The following LRPPRC variants were observed in gnomAD, a reference collection of about 807,000 sequenced individuals.
LRPPRC encodes the protein leucine rich pentatricopeptide repeat containing, also known as leucine-rich PPR motif-containing protein, mitochondrial.
A neutral mutation model predicts 180.3 loss-of-function variants in LRPPRC; 120 were observed. That is an observed-to-expected ratio of 0.67 (90% confidence interval 0.57 to 0.77). The LOEUF (loss-of-function observed/expected upper bound fraction) is 0.77, where lower values mean the gene tolerates loss of function less well. Ranked by LOEUF, LRPPRC falls within the 30% of genes least tolerant of loss-of-function variation. The pLI is 0.00. For missense variants in LRPPRC, 2,012 were observed against 1,657.2 expected (o/e 1.21, Z -3.72); for synonymous variants, 723 against 600.0 (o/e 1.21, Z -3.00).
chr2:43,887,992 G>GGAAA lies in LRPPRC; in HGVS notation c.*604_*607dup, dbSNP rs1448777391. 1.3e-5 allele frequency: 2 copies of GGAAA among 153,494 alleles called. No individual in the cohort carries two copies. The highest frequency in any genetic ancestry group is 2.4e-5 in the African/African-American group (1 of 41,434). The allele number at this position is 153,494 out of a possible 1,614,324, so 9.5% of individuals were successfully genotyped here. A position where few individuals can be genotyped will look rare whatever the true frequency, so the allele number is the denominator to read the frequency against. On this transcript the variant is annotated 3_prime_UTR_variant, in exon 38 of 38. Transcript: ENST00000260665. The stretch of plus-strand genomic sequence containing the variant: ...GTGCTTGAAGCCACAGTGGCAGAAG[G>GGAAA]GAAAGATGGGGAAGTGTGCCGAAGA...
intron 22 of LRPPRC, 114 bp from the exon 23 acceptor site, chr2:43,944,008 AT>A: frequency 1.4e-6 from 1 of 738,026 alleles, no homozygotes. Context: ...TATAATGCCG[AT>A]TTCAAGTTAA....
At chr2:43,934,322 A>G in intron 24 of LRPPRC, 26 bp from the exon 25 acceptor site, 1 of 1,097,832 alleles carries the variant, frequency 9.1e-7, no homozygotes, top group South Asian at 1.4e-5. Flanking sequence ...AAAAATATAT[A>G]TATTAGGAGA....
At chr2:43,957,811 C>T (rs535877291) in intron 13 of LRPPRC, among the ~76,000 whole-genome samples, 45 of 151,986 alleles carry the variant, frequency 3.0e-4, no homozygotes, top group Non-Finnish European at 6.0e-4. Flanking sequence ...GACTGTAATA[C>T]CCTACAAGAC....
chr2:43,917,702 T>C lies in LRPPRC; in HGVS notation c.3148+323A>G, dbSNP rs980086650. Among the ~76,000 whole-genome samples, 6 of 152,046 alleles carry C rather than the reference T, an allele frequency of 3.9e-5. No homozygotes were observed. The East Asian group carries it at 1.2e-3, about 30-fold the overall frequency. ...TACTCAGGAGTCTGAGGCAGGAAAATGGCGTGAACCCAGAAGGCGGAGCTT... is the reference window on the plus strand; with the variant it reads ...TACTCAGGAGTCTGAGGCAGGAAAACGGCGTGAACCCAGAAGGCGGAGCTT... On this transcript the variant is annotated intron_variant, in intron 29 of 37. Transcript: ENST00000260665.
At chr2:43,901,169 T>C (rs1310091529) in intron 32 of LRPPRC, 151 bp downstream of exon 32, 3 of 654,804 alleles carry the variant, frequency 4.6e-6, no homozygotes, top group Non-Finnish European at 8.2e-6. Context: ...TTTTTCAACA[T>C]ATAATTATTC....
At chr2:43,920,049 A>G (rs1671640411) in intron 27 of LRPPRC, among the ~76,000 whole-genome samples, 1 of 150,458 alleles carries the variant, frequency 6.6e-6, no homozygotes, top group African/African-American at 2.5e-5. Flanking sequence ...AAAACAAAGC[A>G]TACTCATTCT....
intron 31 of LRPPRC, among the ~76,000 whole-genome samples, chr2:43,905,418 TG>T (rs2105000727): frequency 6.6e-6 from 1 of 152,346 alleles, no homozygotes; most frequent in East Asian, 1.9e-4. Flanking sequence ...ACACAAATTT[TG>T]CATGTCTGAA....
At chr2:43,941,162 T>G (rs952086608) in intron 23 of LRPPRC, among the ~76,000 whole-genome samples, 2 of 152,238 alleles carry the variant, frequency 1.3e-5, no homozygotes, top group Non-Finnish European at 2.9e-5. Context: ...AAAGCTTTTT[T>G]ACATTGTCTA....
chr2:43,905,771 G>A lies in LRPPRC; in HGVS notation c.3285C>T (p.Thr1095=). 6.2e-7 allele frequency: 1 copy of A among 1,608,492 alleles called. No homozygotes were observed. The highest frequency in any genetic ancestry group is 2.2e-5 in the East Asian group (1 of 44,854). ...CGTTCAGTGTGAAGCCCTTGATGTGGGTCTCCGCGCTAAAAGAAGCAGACA... is the reference window on the plus strand; with the variant it reads ...CGTTCAGTGTGAAGCCCTTGATGTGAGTCTCCGCGCTAAAAGAAGCAGACA... ...QAMEVKAFAE[T]HIKGFTLNDA... Residue 1095 remains threonine (T), a synonymous_variant, in exon 31 of 38, where the codon ACC becomes ACT. Coordinates refer to ENST00000260665, the MANE Select transcript of LRPPRC (RefSeq NM_133259.4).
chr2:43,982,495 C>G (rs902059677), intron 1 of LRPPRC, 61 bp from the exon 2 acceptor site: 4 of 1,312,506 alleles, frequency 3.0e-6, no homozygotes, highest in South Asian at 1.2e-5. Flanking sequence ...ATTTTTTGAA[C>G]AAAACTTAAA....
At chr2:43,933,116 G>C (rs1558963906) in intron 25 of LRPPRC, among the ~76,000 whole-genome samples, 1 of 152,162 alleles carries the variant, frequency 6.6e-6, no homozygotes, top group Non-Finnish European at 1.5e-5. Flanking sequence ...AGAAGCACCT[G>C]TCCAAGATAG....
At chr2:43,928,563 G>C (rs1671971552) in intron 25 of LRPPRC, among the ~76,000 whole-genome samples, 1 of 152,048 alleles carries the variant, frequency 6.6e-6, no homozygotes, top group Admixed American at 6.6e-5. Context: ...GAAAAATCAT[G>C]TGCACAAGGG....
At chr2:43,985,740 C>T (rs562544806) in intron 1 of LRPPRC, among the ~76,000 whole-genome samples, 17 of 152,230 alleles carry the variant, frequency 1.1e-4, no homozygotes, top group Non-Finnish European at 1.5e-4. Flanking sequence ...TACTGAAGGA[C>T]ATCCAGGTTG....
intron 14 of LRPPRC, among the ~76,000 whole-genome samples, chr2:43,952,701 T>A (rs1025804816): frequency 2.0e-5 from 3 of 152,216 alleles, no homozygotes; most frequent in Non-Finnish European, 4.4e-5. Flanking sequence ...CAATCCTGCA[T>A]GTACGTATTT....
At chr2:43,969,881 C>T (rs1378303749) in intron 11 of LRPPRC, among the ~76,000 whole-genome samples, 1 of 152,034 alleles carries the variant, frequency 6.6e-6, no homozygotes, top group Non-Finnish European at 1.5e-5. Context: ...TTGCCAACTT[C>T]CCAAGGCTAG....
At position 43,889,851 on chromosome 2, in the gene LRPPRC, A is replaced by C; in HGVS notation, c.4011T>G (p.Ala1337=). 1 of 1,609,370 alleles carries C rather than the reference A, an allele frequency of 6.2e-7. No individual in the cohort carries two copies. Among genetic ancestry groups the C allele is most frequent in the Non-Finnish European group, 8.5e-7 (1 of 1,175,590 alleles). Reference sequence around the variant, plus strand: ...CAGTCAAATGTTCATACAGTGCTTTAGCAGATGTGACATCTTTCTCTGAGA... The same window carrying C: ...CAGTCAAATGTTCATACAGTGCTTTCGCAGATGTGACATCTTTCTCTGAGA... The part of the protein sequence containing the change: ...SYVSEKDVTS[A]KALYEHLTAK... The change falls in exon 37 of 38, where the codon GCT becomes GCG. Residue 1337 remains alanine (A), a synonymous_variant. Coordinates refer to ENST00000260665, the MANE Select transcript of LRPPRC (RefSeq NM_133259.4).
intron 13 of LRPPRC, chr2:43,959,321 T>G (rs1023536399): frequency 3.5e-5 from 23 of 658,506 alleles, no homozygotes; most frequent in Non-Finnish European, 5.0e-5. Context: ...GTCACCATTT[T>G]TCATACTGGA....
In LRPPRC at chr2:43,939,142, G is replaced by A. The variant is rs898237592; in HGVS notation, c.2505-4264C>T. On this transcript the variant is annotated intron_variant, in intron 23 of 37. Coordinates refer to ENST00000260665, the MANE Select transcript of LRPPRC (RefSeq NM_133259.4). ...AAAAAAAAAAAAAAAAATAGCTGGC[G>A]TGGCGGTGAGCACCTGTAGTCCCAG... Among the ~76,000 whole-genome samples the A allele has an allele frequency of 2.4e-4, 37 of 151,544 alleles. No individual in the cohort carries two copies. In the East Asian group the frequency reaches 7.0e-3, roughly 29 times the overall value.
At chr2:43,916,508 C>T (rs1671472695) in intron 29 of LRPPRC, among the ~76,000 whole-genome samples, 1 of 152,112 alleles carries the variant, frequency 6.6e-6, no homozygotes, top group Non-Finnish European at 1.5e-5. Flanking sequence ...TCAACACATA[C>T]TAGTATAGTA....
Sources: gnomAD v4.1 joint callset for allele counts (sites outside exome capture counted in the v4.1 genomes callset) on GRCh38, gnomAD v4.1.1 for gene constraint, MANE v1.5 for transcripts, NCBI Gene and HGNC (gene_info 2026-07-23, HGNC 2026-07-21) for gene names.